The following ZNF469 variants were observed in gnomAD, a reference collection of about 807,000 sequenced individuals.
ZNF469 encodes the protein zinc finger protein 469.
ZNF469 carries 1 observed loss-of-function variant against 1.0 expected under a neutral mutation model. The ratio of observed to expected loss-of-function variants is 1.00; its 90% CI spans 0.35 to 4.73. The LOEUF is 4.73. Ranked by LOEUF, ZNF469 falls within the 30% of genes most tolerant of loss-of-function variation. The probability of loss-of-function intolerance (pLI) is 0.16; values close to 1 mark genes in which losing one functional copy is unlikely to be tolerated. For synonymous variants in ZNF469, 2,703 were observed against 2,363.4 expected (o/e 1.14, Z -4.17); for missense variants, 6,100 against 5,356.3 (o/e 1.14, Z -4.33).
At chr16:88,212,069 G>C in the ZNF469 span, among the ~76,000 whole-genome samples, 2 of 152,150 alleles carry the variant, frequency 1.3e-5, no homozygotes, top group Non-Finnish European at 2.9e-5. Context: ...TTTATTCCTT[G>C]ATGCTAGGCT....
chr16:88,419,247 A>G (rs1433553824), intron 1 of ZNF469, among the ~76,000 whole-genome samples: 7 of 152,136 alleles, frequency 4.6e-5, no homozygotes, highest in African/African-American at 1.7e-4. Context: ...ACAGCAGGGG[A>G]CGGTGCCCAG....
Position 88,433,298 on chromosome 16 carries a change from G to A in ZNF469, c.5828G>A (p.Gly1943Asp), listed in dbSNP as rs923668514. The change falls in exon 3 of 3, where the codon GGC (glycine) becomes GAC (aspartate). Residue 1943 changes from glycine (G) to aspartate (D), a missense_variant. Coordinates refer to ENST00000565624, the MANE Select transcript of ZNF469 (RefSeq NM_001367624.2). ...PRVNPSGLEG[G>D]TVEGGKVACG... ...GTGAACCCCTCAGGTCTGGAAGGGG[G>A]CACTGTGGAAGGAGGGAAGGTGGCC... 6 of 1,550,250 alleles carry A rather than the reference G, an allele frequency of 3.9e-6. No homozygotes were observed. In the African/African-American group the frequency reaches 6.8e-5, roughly 18 times the overall value.
At chr16:88,277,450 T>C in the ZNF469 span, among the ~76,000 whole-genome samples, 10 of 92,516 alleles carry the variant, frequency 1.1e-4, no homozygotes, top group East Asian at 6.9e-4. Flanking sequence ...CACTGACGCT[T>C]GGTCAGTACC....
chr16:88,306,566 C>T, the ZNF469 span, among the ~76,000 whole-genome samples: 35 of 152,334 alleles, frequency 2.3e-4, no homozygotes, highest in African/African-American at 8.4e-4. Context: ...GTGGTCCACA[C>T]AACACTGGGG....
At chr16:88,300,892 G>A in the ZNF469 span, among the ~76,000 whole-genome samples, 5 of 151,952 alleles carry the variant, frequency 3.3e-5, no homozygotes, top group East Asian at 2.0e-4. Context: ...TGGTGAAACC[G>A]CGTCTCTACT....
At chr16:88,321,020 T>C in the ZNF469 span, among the ~76,000 whole-genome samples, 1 of 152,246 alleles carries the variant, frequency 6.6e-6, no homozygotes, top group African/African-American at 2.4e-5. Flanking sequence ...CGAGGCTGCC[T>C]TTCAGTATGA....
the ZNF469 span, among the ~76,000 whole-genome samples, chr16:88,243,930 ATATATATATATATATATAT>A: frequency 7.2e-5 from 7 of 96,634 alleles, no homozygotes; most frequent in Admixed American, 1.1e-4. Flanking sequence ...ATATATATAT[ATATATATATATATATATAT>A]ATAAATGTAT....
At chr16:88,346,359 C>T in the ZNF469 span, among the ~76,000 whole-genome samples, 1 of 152,208 alleles carries the variant, frequency 6.6e-6, no homozygotes, top group Non-Finnish European at 1.5e-5. Context: ...CCAAAACAGA[C>T]CCCGGCTCCT....
the ZNF469 span, among the ~76,000 whole-genome samples, chr16:88,195,644 G>A: frequency 1.3e-4 from 20 of 152,200 alleles, no homozygotes; most frequent in Non-Finnish European, 2.5e-4. Flanking sequence ...TCCTCGAGAG[G>A]GCATGGGCCC....
the ZNF469 span, among the ~76,000 whole-genome samples, chr16:88,198,919 G>A: frequency 5.3e-5 from 8 of 152,202 alleles, no homozygotes; most frequent in Non-Finnish European, 1.2e-4. Context: ...CCGAGGCGAG[G>A]GCCCCTGGCA....
chr16:88,159,744 C>T, the ZNF469 span, among the ~76,000 whole-genome samples: 267 of 152,222 alleles, frequency 1.8e-3, 3 homozygotes, highest in Middle Eastern at 6.8e-3. Flanking sequence ...TCTCACCTCC[C>T]GTTGTGCAAT....
At chr16:88,422,624 G>A (rs927819287) in intron 1 of ZNF469, among the ~76,000 whole-genome samples, 3 of 146,598 alleles carry the variant, frequency 2.0e-5, no homozygotes, top group Non-Finnish European at 3.0e-5. Flanking sequence ...TGGGTGGGTA[G>A]ATGGATGGGT....
the ZNF469 span, among the ~76,000 whole-genome samples, chr16:88,165,563 C>G: frequency 6.6e-6 from 1 of 152,330 alleles, no homozygotes; most frequent in East Asian, 1.9e-4. Context: ...GGGGACTGCT[C>G]GGCCCTCTCT....
chr16:88,312,894 T>G, the ZNF469 span, among the ~76,000 whole-genome samples: 2 of 152,350 alleles, frequency 1.3e-5, no homozygotes, highest in South Asian at 4.1e-4. Flanking sequence ...CTCCATGCCC[T>G]CACGAATTAT....
intron 1 of ZNF469, among the ~76,000 whole-genome samples, chr16:88,412,952 G>T (rs1328052845): frequency 6.6e-6 from 1 of 152,112 alleles, no homozygotes; most frequent in Non-Finnish European, 1.5e-5. Context: ...GGCAGCAGTG[G>T]CCGCTTATCC....
At chr16:88,143,217 C>T in the ZNF469 span, among the ~76,000 whole-genome samples, 1 of 152,222 alleles carries the variant, frequency 6.6e-6, no homozygotes, top group African/African-American at 2.4e-5. Context: ...AGTGCTTGAT[C>T]GTTTTGTGCC....
At chr16:88,189,571 G>C in the ZNF469 span, among the ~76,000 whole-genome samples, 1 of 152,212 alleles carries the variant, frequency 6.6e-6, no homozygotes, top group African/African-American at 2.4e-5. This position sits in a 1 kb window ranked among gnomAD's most constrained non-coding sequence, Gnocchi z 4.3. Flanking sequence ...ACTAGGTTGG[G>C]TGCTGGGGAA....
At chr16:88,139,906 C>T in the ZNF469 span, among the ~76,000 whole-genome samples, 39 of 152,288 alleles carry the variant, frequency 2.6e-4, no homozygotes, top group Non-Finnish European at 4.4e-4. Context: ...GACATTTCCT[C>T]AGCCCAGCAT....
the ZNF469 span, among the ~76,000 whole-genome samples, chr16:88,118,119 T>C: frequency 1.7e-4 from 26 of 152,222 alleles, no homozygotes; most frequent in African/African-American, 5.5e-4. Flanking sequence ...ATTTTTGTAT[T>C]TTTAGTAGAG....
Sources: gnomAD v4.1 joint callset for allele counts (sites outside exome capture counted in the v4.1 genomes callset) on GRCh38, gnomAD v4.1.1 for gene constraint, Gnocchi (gnomAD v3.1) non-coding constraint, MANE v1.5 for transcripts, NCBI Gene and HGNC (gene_info 2026-07-23, HGNC 2026-07-21) for gene names.